The following DCDC2 variants were observed in gnomAD, a reference collection of about 807,000 sequenced individuals.
DCDC2 encodes doublecortin domain-containing protein 2.
A neutral mutation model predicts 50.2 loss-of-function variants in DCDC2; 40 were observed. That is an observed-to-expected ratio of 0.80 (90% CI 0.62 to 1.04). The LOEUF is 1.04. Among genes scored for constraint, DCDC2 ranks in the 50% least tolerant of loss-of-function variants. The probability of loss-of-function intolerance (pLI) is 0.00; values close to 1 mark genes in which losing one functional copy is unlikely to be tolerated. For synonymous variants in DCDC2, 234 were observed against 210.6 expected, an observed-to-expected ratio of 1.11 and a Z score of -0.96; for missense variants, 570 against 581.9, an observed-to-expected ratio of 0.98 and a Z score of 0.21.
chr6:24,246,479 C>CTTTTTTTTTTTTTTTTTT (rs4052666), intron 7 of DCDC2, among the ~76,000 whole-genome samples: 3 of 70,782 alleles, frequency 4.2e-5, no homozygotes, highest in African/African-American at 6.0e-5. Context: ...TTTTCTTTTT[C>CTTTTTTTTTTTTTTTTTT]TTTTTTTTTT....
chr6:24,207,878 A>G (rs1282748070), intron 7 of DCDC2, among the ~76,000 whole-genome samples: 4 of 152,078 alleles, frequency 2.6e-5, no homozygotes, highest in Non-Finnish European at 5.9e-5. Flanking sequence ...AAATTATCTC[A>G]TGGGCATCCT....
At chr6:24,361,763 T>A (rs1760668598), upstream of DCDC2, among the ~76,000 whole-genome samples, 1 of 152,178 alleles carries the variant, frequency 6.6e-6, no homozygotes, top group East Asian at 1.9e-4. Context: ...AAACCAATCA[T>A]GGGGTCCTTC....
intron 6 of DCDC2, among the ~76,000 whole-genome samples, chr6:24,279,420 CA>C (rs1404422790): frequency 1.3e-5 from 2 of 151,864 alleles, no homozygotes; most frequent in African/African-American, 4.8e-5. Flanking sequence ...CTAAAATTAA[CA>C]ATTAAAAAAA....
At chr6:24,225,688 C>T (rs1762218610) in intron 7 of DCDC2, among the ~76,000 whole-genome samples, 1 of 149,150 alleles carries the variant, frequency 6.7e-6, no homozygotes, top group Non-Finnish European at 1.5e-5. Context: ...ATTAAAACAA[C>T]TCTTAGAAAG....
intron 5 of DCDC2, among the ~76,000 whole-genome samples, chr6:24,290,632 C>T (rs189144539): frequency 3.9e-5 from 6 of 152,192 alleles, no homozygotes. Context: ...TGTAGAGAAG[C>T]TCATTGCCCT....
intron 7 of DCDC2, among the ~76,000 whole-genome samples, chr6:24,225,194 T>G (rs1480106756): frequency 6.6e-6 from 1 of 152,148 alleles, no homozygotes; most frequent in Non-Finnish European, 1.5e-5. Flanking sequence ...ATTGCATAAC[T>G]GCTGTGGGAC....
At chr6:24,377,183 G>A in the DCDC2 span, among the ~76,000 whole-genome samples, 1 of 152,188 alleles carries the variant, frequency 6.6e-6, no homozygotes, top group Non-Finnish European at 1.5e-5. Flanking sequence ...AGTCCGCTGG[G>A]AACAAAACTT....
At chr6:24,177,618 G>A (rs1160279710) in intron 9 of DCDC2, among the ~76,000 whole-genome samples, 1 of 152,134 alleles carries the variant, frequency 6.6e-6, no homozygotes. Flanking sequence ...ACTTGAGCCT[G>A]GCAGCAACAG....
intron 2 of DCDC2, among the ~76,000 whole-genome samples, chr6:24,306,605 CA>C (rs1223854808): frequency 1.3e-5 from 2 of 151,716 alleles, no homozygotes; most frequent in Non-Finnish European, 2.9e-5. Flanking sequence ...TTTCCAAAGT[CA>C]AAGGTGGCAA....
the DCDC2 span, among the ~76,000 whole-genome samples, chr6:24,377,679 T>C: frequency 6.6e-6 from 1 of 152,172 alleles, no homozygotes; most frequent in Non-Finnish European, 1.5e-5. Flanking sequence ...AACTGGCATA[T>C]AGGATTAAAA....
intron 6 of DCDC2, among the ~76,000 whole-genome samples, chr6:24,279,774 C>T (rs1763432889): frequency 6.6e-6 from 1 of 152,146 alleles, no homozygotes; most frequent in Admixed American, 6.5e-5. Flanking sequence ...AGGGACCATG[C>T]CTTAACTAAC....
At chr6:24,213,021 C>T (rs1761903749) in intron 7 of DCDC2, among the ~76,000 whole-genome samples, 1 of 152,122 alleles carries the variant, frequency 6.6e-6, no homozygotes, top group Non-Finnish European at 1.5e-5. Context: ...AACAATATTA[C>T]AATTATTTAA....
chr6:24,276,552 G>A (rs897891111), intron 7 of DCDC2, among the ~76,000 whole-genome samples: 13 of 152,012 alleles, frequency 8.6e-5, no homozygotes, highest in African/African-American at 3.1e-4. Flanking sequence ...TGTGCCAGTT[G>A]TTGGAAATAA....
chr6:24,285,675 G>C lies in DCDC2; in HGVS notation c.759+3177C>G, dbSNP rs1199343517. 1.8e-4 allele frequency among the ~76,000 whole-genome samples: 28 copies of C among 152,162 alleles called. 1 individual carries two copies. Among genetic ancestry groups the C allele is most frequent in the Admixed American group, 1.8e-3 (27 of 15,282 alleles). On this transcript the variant is annotated intron_variant, in intron 6 of 9. Transcript: ENST00000378454. The stretch of plus-strand genomic sequence containing the variant: ...TACAAATGAGCAAGAAATAAAAATT[G>C]CATGTGTGTACCTACACATGCATTT...
intron 7 of DCDC2, among the ~76,000 whole-genome samples, chr6:24,216,008 C>T (rs534791861): frequency 3.3e-5 from 5 of 151,978 alleles, no homozygotes; most frequent in South Asian, 2.1e-4. Flanking sequence ...ACTGGCCAGA[C>T]GACAGAAGGA....
At chr6:24,369,849 G>A in the DCDC2 span, among the ~76,000 whole-genome samples, 1 of 151,950 alleles carries the variant, frequency 6.6e-6, no homozygotes, top group African/African-American at 2.4e-5. Flanking sequence ...AGACTAGCCT[G>A]GGCAATGTGG....
chr6:24,183,342 A>T (rs1052813727), intron 8 of DCDC2, among the ~76,000 whole-genome samples: 1 of 152,208 alleles, frequency 6.6e-6, no homozygotes, highest in African/African-American at 2.4e-5. Context: ...AATGGAGCAG[A>T]GGAAATGTAC....
At chr6:24,274,605 C>CAAAAAAAGAAAAAAAAAA (rs1763308560) in intron 7 of DCDC2, among the ~76,000 whole-genome samples, 1 of 82,404 alleles carries the variant, frequency 1.2e-5, no homozygotes, top group Non-Finnish European at 2.3e-5. Context: ...GAAACAGAGT[C>CAAAAAAAGAAAAAAAAAA]AAAAAAAAAA....
At chr6:24,222,256 G>A (rs1339456603) in intron 7 of DCDC2, among the ~76,000 whole-genome samples, 4 of 152,164 alleles carry the variant, frequency 2.6e-5, no homozygotes, top group Admixed American at 2.6e-4. Context: ...TGAGTCTAGC[G>A]GGCGCCTTGA....
Sources: allele counts gnomAD v4.1 joint callset (sites outside exome capture counted in the v4.1 genomes callset), GRCh38; gene constraint gnomAD v4.1.1; transcripts MANE v1.5; gene names NCBI Gene and HGNC (gene_info 2026-07-23, HGNC 2026-07-21).